The following TTPAL variants were observed in gnomAD, a reference collection of about 807,000 sequenced individuals.
TTPAL encodes the protein alpha tocopherol transfer protein like.
In TTPAL, 21 loss-of-function variants were observed where a neutral mutation model predicts 28.7. The observed-to-expected ratio is 0.73, with a 90% confidence interval of 0.52 to 1.06. The LOEUF (loss-of-function observed/expected upper bound fraction) is 1.06. Ranked by LOEUF, TTPAL falls within the 50% of genes least tolerant of loss-of-function variation. The pLI, the probability that TTPAL is intolerant of heterozygous loss-of-function variation, is 0.00. For missense variants in TTPAL, 345 were observed against 425.5 expected (o/e 0.81, Z 1.67); for synonymous variants, 169 against 171.9 (o/e 0.98, Z 0.13).
rs1033878280 is a variant in TTPAL at position 44,494,030 on chromosome 20, T to C, written c.*4489T>C. On this transcript the variant is annotated 3_prime_UTR_variant, in exon 5 of 5. Coordinates refer to ENST00000262605, the MANE Select transcript of TTPAL (RefSeq NM_001039199.3). ...TCCCGCCTGGGTGACAAAGCAATAT[T>C]CTGTGTCAAATAAATAAATTCATTC... The C allele has an allele frequency of 6.6e-6, 1 of 152,322 alleles. No homozygotes were observed. Among genetic ancestry groups the C allele is most frequent in the African/African-American group, 2.4e-5 (1 of 41,448 alleles). 9.4% of individuals were successfully genotyped at this position (152,322 alleles called of 1,614,324 possible). A position where few individuals can be genotyped will look rare whatever the true frequency, so the allele number is the denominator to read the frequency against.
chr20:44,476,357 C>T (rs1025327869), intron 1 of TTPAL, among the ~76,000 whole-genome samples: 1 of 152,200 alleles, frequency 6.6e-6, no homozygotes, highest in Admixed American at 6.5e-5. Flanking sequence ...GTGACTGAGT[C>T]CTGCTGAGCG....
In TTPAL at chr20:44,492,763, G is replaced by A. The variant is rs1213303375; in HGVS notation, c.*3222G>A. ...TCTTCCCCTGTTCTGCCTTCATGGG[G>A]GAGAGACTGGATGAAATCTACAAAA... On this transcript the variant is annotated 3_prime_UTR_variant, in exon 5 of 5. Transcript: ENST00000262605. 6.6e-6 allele frequency: 1 copy of A among 152,238 alleles called. No individual in the cohort carries two copies. Among genetic ancestry groups the A allele is most frequent in the African/African-American group, 2.4e-5 (1 of 41,406 alleles). The allele number at this position is 152,238 out of a possible 1,614,324, so 9.4% of individuals were successfully genotyped here. A position where few individuals can be genotyped will look rare whatever the true frequency, so the allele number is the denominator to read the frequency against.
chr20:44,487,887 G>A (rs1214415786), intron 4 of TTPAL, among the ~76,000 whole-genome samples: 2 of 152,216 alleles, frequency 1.3e-5, no homozygotes, highest in Non-Finnish European at 2.9e-5. Context: ...TCCTGCCTCA[G>A]CCTCCCCAGT....
chr20:44,476,785 T>C lies in TTPAL; in HGVS notation c.-16+794T>C, dbSNP rs115778001. On this transcript the variant is annotated intron_variant, in intron 1 of 4. Coordinates refer to ENST00000262605, the MANE Select transcript of TTPAL (RefSeq NM_001039199.3). ...AATGTAAGCTTTATTAGGCAAGGAA[T>C]TGTATTGTTTGCGTCTGTGTTCCCA... Among the ~76,000 whole-genome samples, 406 of 152,368 alleles carry C rather than the reference T, an allele frequency of 2.7e-3. 1 individual carries two copies. The highest frequency in any genetic ancestry group is 9.1e-3 in the African/African-American group (380 of 41,590).
intron 1 of TTPAL, among the ~76,000 whole-genome samples, chr20:44,478,372 A>C (rs940039407): frequency 6.6e-6 from 1 of 152,198 alleles, no homozygotes; most frequent in Non-Finnish European, 1.5e-5. Context: ...TGCCTGTTAG[A>C]GGAGTCCTAT....
At chr20:44,481,979 G>A (rs899385112) in intron 2 of TTPAL, among the ~76,000 whole-genome samples, 10 of 152,100 alleles carry the variant, frequency 6.6e-5, no homozygotes, top group African/African-American at 2.4e-4. Flanking sequence ...TTGCACCTTT[G>A]CTTGTGTAGT....
chr20:44,486,534 G>C (rs1428666765), intron 3 of TTPAL, 62 bp from the exon 4 acceptor site: 9 of 986,482 alleles, frequency 9.1e-6, no homozygotes, highest in African/African-American at 6.5e-5. Context: ...GATTTAACTT[G>C]GGGGAGGAAG....
chr20:44,483,248 C>T (rs946062543), intron 2 of TTPAL, among the ~76,000 whole-genome samples: 1 of 152,140 alleles, frequency 6.6e-6, no homozygotes, highest in Non-Finnish European at 1.5e-5. Context: ...GAGGTCTAGC[C>T]GTATTTCCAT....
Position 44,484,455 on chromosome 20 carries a change from C to G in TTPAL, c.564C>G (p.Asp188Glu). The G allele has an allele frequency of 6.2e-7, 1 of 1,606,576 alleles. No homozygotes were observed. Among genetic ancestry groups the G allele is most frequent in the Non-Finnish European group, 8.5e-7 (1 of 1,173,662 alleles). ...TQVNGIVILA[D>E]YKGVSLSKAS... ...TGAATGGAATTGTAATTCTTGCAGA[C>G]TACAAAGGAGTGAGTTTATCAAAAG... Residue 188 changes from aspartate to glutamate, a missense_variant, in exon 3 of 5, where the codon GAC becomes GAG. Coordinates refer to ENST00000262605, the MANE Select transcript of TTPAL (RefSeq NM_001039199.3).
chr20:44,482,636 T>C (rs1473146245), intron 2 of TTPAL, among the ~76,000 whole-genome samples: 1 of 151,270 alleles, frequency 6.6e-6, no homozygotes, highest in African/African-American at 2.4e-5. Flanking sequence ...AAATGGGAAG[T>C]TTTATCTTTT....
chr20:44,492,060 C>A lies in TTPAL; in HGVS notation c.*2519C>A, dbSNP rs779552328. 1.3e-5 allele frequency: 2 copies of A among 152,290 alleles called. No homozygotes were observed. Among genetic ancestry groups the A allele is most frequent in the African/African-American group, 2.4e-5 (1 of 41,414 alleles). The allele number at this position is 152,290 out of a possible 1,614,324, so 9.4% of individuals were successfully genotyped here. On this transcript the variant is annotated 3_prime_UTR_variant, in exon 5 of 5. Coordinates refer to ENST00000262605, the MANE Select transcript of TTPAL (RefSeq NM_001039199.3). ...GTTGGAGCCTAAGTTTATCTGCCTCCGGGAGCTGCTTGCTTTGTTTTGGCT... is the reference window on the plus strand; with the variant it reads ...GTTGGAGCCTAAGTTTATCTGCCTCAGGGAGCTGCTTGCTTTGTTTTGGCT...
rs1568777424 is a variant in TTPAL at position 44,491,953 on chromosome 20, C to T, written c.*2412C>T. On this transcript the variant is annotated 3_prime_UTR_variant, in exon 5 of 5. Transcript: ENST00000262605. ...TCTCCTAGAGAATTATCTCAAAGAC[C>T]AGAAGGGACCTGGAGAGGCCTATTT... 1 of 152,348 alleles carries T rather than the reference C, an allele frequency of 6.6e-6. No homozygotes were observed. The highest frequency in any genetic ancestry group is 1.5e-5 in the Non-Finnish European group (1 of 68,054). The allele number at this position is 152,348 out of a possible 1,614,324, so 9.4% of individuals were successfully genotyped here.
intron 4 of TTPAL, among the ~76,000 whole-genome samples, chr20:44,487,819 A>C (rs1037815211): frequency 6.6e-6 from 1 of 152,110 alleles, no homozygotes; most frequent in Admixed American, 6.5e-5. Context: ...CCCAGGCTGG[A>C]GTGCAGTGGT....
In TTPAL at chr20:44,483,016, C is replaced by T. The variant is rs2064120625; in HGVS notation, c.446-1321C>T. 2.0e-5 allele frequency among the ~76,000 whole-genome samples: 3 copies of T among 152,104 alleles called. No homozygotes were observed. In the South Asian group the frequency reaches 6.2e-4, roughly 32 times the overall value. ...GAGACTACAGGTGTGCACCACCATG[C>T]CCAGCTAATTTTTGTATTTTCAGTA... is the stretch of plus-strand genomic sequence containing the variant. On this transcript the variant is annotated intron_variant, in intron 2 of 4. Coordinates refer to ENST00000262605, the MANE Select transcript of TTPAL (RefSeq NM_001039199.3).
In TTPAL at chr20:44,489,639, G is replaced by GT. The variant is rs2064186908; in HGVS notation, c.*99dup. On this transcript the variant is annotated 3_prime_UTR_variant, in exon 5 of 5. Transcript: ENST00000262605. ...GTCCATGGATTCAGTCTTGCTCCTT[G>GT]TAATTAAACTGCAGGATGGAGGAAC... 2 of 1,309,402 alleles carry GT rather than the reference G, an allele frequency of 1.5e-6. No homozygotes were observed. The highest frequency in any genetic ancestry group is 5.3e-5 in the Admixed American group (2 of 37,516). 81.1% of individuals were successfully genotyped at this position (1,309,402 alleles called of 1,614,324 possible).
At chr20:44,487,374 C>T (rs900079044) in intron 4 of TTPAL, among the ~76,000 whole-genome samples, 1 of 152,098 alleles carries the variant, frequency 6.6e-6, no homozygotes, top group East Asian at 1.9e-4. Context: ...CTCAGGAATT[C>T]AAGGCTGCCA....
chr20:44,489,799 CTA>C lies in TTPAL; in HGVS notation c.*262_*263del, dbSNP rs1040382786. On this transcript the variant is annotated 3_prime_UTR_variant, in exon 5 of 5. Coordinates refer to ENST00000262605, the MANE Select transcript of TTPAL (RefSeq NM_001039199.3). The stretch of plus-strand genomic sequence containing the variant: ...CAGTCTGCAACTATTAATCTGGAGG[CTA>C]TATCTATTTTGTTTTGCTTTTTGGT... 13 of 456,262 alleles carry C rather than the reference CTA, an allele frequency of 2.8e-5. No homozygotes were observed. The highest frequency in any genetic ancestry group is 3.9e-5 in the African/African-American group (2 of 51,224). 28.3% of individuals were successfully genotyped at this position (456,262 alleles called of 1,614,324 possible).
rs902310936 is a variant in TTPAL at position 44,484,540 on chromosome 20, G to GT, written c.639+11dup. 2 of 1,542,412 alleles carry GT rather than the reference G, an allele frequency of 1.3e-6. No individual in the cohort carries two copies. On this transcript the variant is annotated intron_variant, in intron 3 of 4. Transcript: ENST00000262605. The stretch of plus-strand genomic sequence containing the variant: ...GATTGGCATCCTCCAGGTAAGACCC[G>GT]TATGTGTCCTGCCTGTTTCGTGGTG...
At chr20:44,482,295 C>G (rs2064112665) in intron 2 of TTPAL, among the ~76,000 whole-genome samples, 1 of 152,096 alleles carries the variant, frequency 6.6e-6, no homozygotes, top group Non-Finnish European at 1.5e-5. Flanking sequence ...TGCCTGTAAT[C>G]CCAGCACTTT....
Sources: gnomAD v4.1 joint callset for allele counts (sites outside exome capture counted in the v4.1 genomes callset) on GRCh38, gnomAD v4.1.1 for gene constraint, MANE v1.5 for transcripts, NCBI Gene and HGNC (gene_info 2026-07-23, HGNC 2026-07-21) for gene names.